The following CCDC138 variants were observed in gnomAD, a reference collection of about 807,000 sequenced individuals.
The protein encoded by CCDC138 is coiled-coil domain containing 138, also known as coiled-coil domain-containing protein 138.
Under a neutral mutation model 82.3 loss-of-function variants are expected in CCDC138, and 66 were observed. The ratio of observed to expected loss-of-function variants is 0.80; its 90% confidence interval spans 0.66 to 0.98. The LOEUF is 0.98. Among genes scored for constraint, CCDC138 ranks in the 50% least tolerant of loss-of-function variants. CCDC138 has a pLI of 0.00. For synonymous variants in CCDC138, 297 were observed against 265.4 expected (o/e 1.12, Z -1.16); for missense variants, 816 against 758.9 (o/e 1.08, Z -0.88).
At chr2:108,880,655 T>C (rs1477406877), downstream of CCDC138, among the ~76,000 whole-genome samples, 1 of 152,162 alleles carries the variant, frequency 6.6e-6, no homozygotes, top group Admixed American at 6.5e-5. Flanking sequence ...GCCTGTACTC[T>C]ATAAATGGAA....
chr2:108,805,872 CAA>C (rs986383261), intron 7 of CCDC138, among the ~76,000 whole-genome samples: 1 of 151,974 alleles, frequency 6.6e-6, no homozygotes, highest in African/African-American at 2.4e-5. Context: ...TAAAGAGAGA[CAA>C]GAGAATGATT....
intron 12 of CCDC138, among the ~76,000 whole-genome samples, chr2:108,847,150 C>T: frequency 6.6e-6 from 1 of 152,166 alleles, no homozygotes; most frequent in East Asian, 1.9e-4. Context: ...CTTTGATTGT[C>T]TTAGGTCATA....
At chr2:108,854,272 T>C (rs888031900) in intron 12 of CCDC138, among the ~76,000 whole-genome samples, 1 of 151,084 alleles carries the variant, frequency 6.6e-6, no homozygotes, top group Non-Finnish European at 1.5e-5. Context: ...TCTCAGTTAA[T>C]AGGAAGGTTT....
chr2:108,861,217 CT>C (rs1693546335), intron 13 of CCDC138, among the ~76,000 whole-genome samples: 2 of 151,264 alleles, frequency 1.3e-5, no homozygotes, highest in South Asian at 4.2e-4. Flanking sequence ...GATCATCTCT[CT>C]TTTTTTCTTT....
intron 10 of CCDC138, among the ~76,000 whole-genome samples, chr2:108,829,484 G>C (rs1376235553): frequency 6.6e-6 from 1 of 152,342 alleles, no homozygotes; most frequent in East Asian, 1.9e-4. Flanking sequence ...GGTGGCCCAT[G>C]CCTGTAATGC....
chr2:108,808,269 G>C (rs1026003102), intron 7 of CCDC138, among the ~76,000 whole-genome samples: 6 of 152,104 alleles, frequency 3.9e-5, no homozygotes, highest in African/African-American at 1.4e-4. Context: ...TGGACACATA[G>C]GTTGGCTACT....
intron 13 of CCDC138, among the ~76,000 whole-genome samples, chr2:108,865,085 A>T (rs1351167919): frequency 6.6e-6 from 1 of 152,140 alleles, no homozygotes; most frequent in African/African-American, 2.4e-5. Context: ...ACACAAATAC[A>T]TACACATTTT....
At chr2:108,841,783 A>G (rs957171217) in intron 11 of CCDC138, among the ~76,000 whole-genome samples, 1 of 151,812 alleles carries the variant, frequency 6.6e-6, no homozygotes. Flanking sequence ...TTTTTTAACT[A>G]CTGGGTGGTT....
chr2:108,804,512 A>G (rs1031918595), intron 6 of CCDC138, among the ~76,000 whole-genome samples: 3 of 152,206 alleles, frequency 2.0e-5, no homozygotes, highest in African/African-American at 7.2e-5. Context: ...TTATAAAGCC[A>G]TAAATAGCTT....
At chr2:108,853,946 TACA>T in intron 12 of CCDC138, among the ~76,000 whole-genome samples, 11 of 122,230 alleles carry the variant, frequency 9.0e-5, no homozygotes, top group African/African-American at 3.5e-4. Context: ...ATATATAATA[TACA>T]ATAAATATAT....
chr2:108,808,488 A>G (rs1195556050), intron 7 of CCDC138, among the ~76,000 whole-genome samples: 1 of 152,122 alleles, frequency 6.6e-6, no homozygotes, highest in Non-Finnish European at 1.5e-5. Context: ...AACAATGTAA[A>G]AGAGTTTCCC....
intron 13 of CCDC138, among the ~76,000 whole-genome samples, chr2:108,858,840 G>T (rs1693085748): frequency 6.6e-6 from 1 of 152,026 alleles, no homozygotes. Flanking sequence ...TTGCTGCAAA[G>T]AACATTATTT....
chr2:108,872,903 T>G (rs1467430223), intron 13 of CCDC138, among the ~76,000 whole-genome samples: 2 of 152,182 alleles, frequency 1.3e-5, no homozygotes, highest in Non-Finnish European at 2.9e-5. Flanking sequence ...TTGTAATAGC[T>G]TCAACATAAA....
chr2:108,787,992 T>C, intron 1 of CCDC138, 40 bp from the exon 2 acceptor site: 2 of 1,428,584 alleles, frequency 1.4e-6, no homozygotes, highest in Non-Finnish European at 1.9e-6. Context: ...AGTAAATTGA[T>C]TTTTAGTATA....
At chr2:108,880,699 A>G (rs769697024), downstream of CCDC138, among the ~76,000 whole-genome samples, 4 of 152,208 alleles carry the variant, frequency 2.6e-5, no homozygotes, top group Non-Finnish European at 5.9e-5. Context: ...ATCTGTTTAC[A>G]GCATCATTTC....
In CCDC138 at chr2:108,876,120, T is replaced by C; in HGVS notation, c.1865T>C (p.Ile622Thr). ...AAGAAGCTCTTTGAACTTTTTACGA[T>C]TCATCTGATGCTTCAAGAAATACAA... ...SNKKLFELFT[I>T]HLMLQEIQRT... The change falls in exon 15 of 15, where the codon ATT becomes ACT. Residue 622 changes from isoleucine (I) to threonine (T), a missense_variant. Ile to Thr is a moderately conservative substitution (Grantham distance 89). Coordinates refer to ENST00000295124, the MANE Select transcript of CCDC138 (RefSeq NM_144978.3). The C allele has an allele frequency of 3.7e-6, 6 of 1,604,382 alleles. No individual in the cohort carries two copies. The highest frequency in any genetic ancestry group is 5.1e-6 in the Non-Finnish European group (6 of 1,171,674).
At chr2:108,825,787 A>T (rs7559587) in intron 10 of CCDC138, among the ~76,000 whole-genome samples, 3 of 152,060 alleles carry the variant, frequency 2.0e-5, no homozygotes, top group African/African-American at 4.8e-5. Flanking sequence ...GTATGCACAT[A>T]TTTTTTCATT....
intron 10 of CCDC138, among the ~76,000 whole-genome samples, chr2:108,832,239 C>G (rs1687813394): frequency 6.6e-6 from 1 of 151,678 alleles, no homozygotes; most frequent in South Asian, 2.1e-4. Context: ...GTTGGCCTGG[C>G]TGGTCTCAAA....
chr2:108,786,808 C>G lies in CCDC138; in HGVS notation c.-15C>G, dbSNP rs780012510. 3 of 1,577,810 alleles carry G rather than the reference C, an allele frequency of 1.9e-6. No individual in the cohort carries two copies. The highest frequency in any genetic ancestry group is 1.3e-5 in the African/African-American group (1 of 74,112). On this transcript the variant is annotated 5_prime_UTR_variant, in exon 1 of 15. Coordinates refer to ENST00000295124, the MANE Select transcript of CCDC138 (RefSeq NM_144978.3). ...AACGCGGTTCCCGGGGAGACTGGTA[C>G]GGTTGCTGTGTGCTATGGAGCCGAG...
Sources: gnomAD v4.1 joint callset for allele counts (sites outside exome capture counted in the v4.1 genomes callset) on GRCh38, gnomAD v4.1.1 for gene constraint, MANE v1.5 for transcripts, NCBI Gene and HGNC (gene_info 2026-07-23, HGNC 2026-07-21) for gene names.